The following RAB3IP variants were observed in gnomAD, a reference collection of about 807,000 sequenced individuals.
RAB3IP encodes the protein RAB3A interacting protein.
A neutral mutation model predicts 59.1 loss-of-function variants in RAB3IP; 36 were observed. The observed-to-expected ratio is 0.61, with a 90% CI of 0.47 to 0.80. RAB3IP has a LOEUF of 0.80. Among genes scored for constraint, RAB3IP ranks in the 30% least tolerant of loss-of-function variants. The pLI, the probability that RAB3IP is intolerant of heterozygous loss-of-function variation, is 0.00. For synonymous variants in RAB3IP, 207 were observed against 191.2 expected, an observed-to-expected ratio of 1.08 and a Z score of -0.68; for missense variants, 511 against 536.0, an observed-to-expected ratio of 0.95 and a Z score of 0.46.
At chr12:69,743,496 T>TA (rs1401839075) in intron 1 of RAB3IP, among the ~76,000 whole-genome samples, 1 of 152,240 alleles carries the variant, frequency 6.6e-6, no homozygotes, top group Non-Finnish European at 1.5e-5. Context: ...TAGATCTTTA[T>TA]AAAATCATAC....
intron 6 of RAB3IP, among the ~76,000 whole-genome samples, chr12:69,797,402 A>T (rs904947112): frequency 1.5e-4 from 22 of 150,844 alleles, no homozygotes; most frequent in Admixed American, 1.1e-3. Context: ...GGTTTAAATT[A>T]CAGCCTTTAA....
chr12:69,809,992 G>A (rs1487438000), intron 8 of RAB3IP, among the ~76,000 whole-genome samples: 4 of 152,074 alleles, frequency 2.6e-5, no homozygotes, highest in South Asian at 4.1e-4. Flanking sequence ...TAGAGTTTCC[G>A]GTTTTTCTGC....
chr12:69,756,379 C>T (rs1208578613), intron 2 of RAB3IP, 26 bp from the exon 3 acceptor site: 1 of 1,608,186 alleles, frequency 6.2e-7, no homozygotes, highest in East Asian at 2.2e-5. Flanking sequence ...CTGATATTTT[C>T]TGAAAAATGT....
intron 1 of RAB3IP, among the ~76,000 whole-genome samples, chr12:69,743,401 A>G (rs1887534528): frequency 6.6e-6 from 1 of 152,212 alleles, no homozygotes; most frequent in African/African-American, 2.4e-5. Context: ...CCTTTTACCT[A>G]AGATAAATAA....
At chr12:69,791,149 C>T (rs780628182) in intron 4 of RAB3IP, among the ~76,000 whole-genome samples, 5 of 151,958 alleles carry the variant, frequency 3.3e-5, no homozygotes, top group Non-Finnish European at 2.9e-5. Flanking sequence ...TGCAAATGAA[C>T]GAAATTAGAC....
In RAB3IP at chr12:69,801,680, C is replaced by G. The variant is rs1878408760; in HGVS notation, c.1089C>G (p.Ile363Met). 1.9e-6 allele frequency: 3 copies of G among 1,612,700 alleles called. No individual in the cohort carries two copies. Among genetic ancestry groups the G allele is most frequent in the Non-Finnish European group, 2.5e-6 (3 of 1,179,236 alleles). ...LSIEPVGLQP[I>M]RFVKASAVEC... The stretch of plus-strand genomic sequence containing the variant: ...TTGAACCAGTGGGATTACAACCTAT[C>G]CGGTTTGTGAAAGCTTCTGCAGTTG... The change falls in exon 8 of 11, where the codon ATC (isoleucine) becomes ATG (methionine). Residue 363 changes from isoleucine to methionine, a missense_variant. Ile to Met is a conservative substitution (Grantham distance 10, BLOSUM62 1). Transcript: ENST00000247833.
intron 4 of RAB3IP, among the ~76,000 whole-genome samples, chr12:69,794,009 T>C (rs540838020): frequency 6.6e-6 from 1 of 152,316 alleles, no homozygotes; most frequent in South Asian, 2.1e-4. Flanking sequence ...TTAGCTGTCA[T>C]TACTATAAAC....
intron 4 of RAB3IP, among the ~76,000 whole-genome samples, chr12:69,793,355 C>G (rs1876935133): frequency 1.3e-5 from 2 of 152,140 alleles, no homozygotes; most frequent in Non-Finnish European, 2.9e-5. Context: ...AACAAACAGT[C>G]AAACTCTGAT....
chr12:69,810,672 A>G (rs1880302264), intron 8 of RAB3IP, among the ~76,000 whole-genome samples: 1 of 151,996 alleles, frequency 6.6e-6, no homozygotes, highest in African/African-American at 2.4e-5. Flanking sequence ...CATTTTAAGA[A>G]AGAAAAGTTA....
intron 8 of RAB3IP, among the ~76,000 whole-genome samples, chr12:69,810,989 A>C (rs1036414134): frequency 2.0e-5 from 3 of 152,206 alleles, no homozygotes; most frequent in Admixed American, 2.0e-4. Flanking sequence ...TGTCCAGTTT[A>C]CAAAATAGCT....
At position 69,781,133 on chromosome 12, in the gene RAB3IP, AAT is replaced by A. The variant is rs370972805; in HGVS notation, c.511-3584_511-3583del. ...TATAATTTTTTTGGTTTTTAAAAATAATATGTGTTATTTTACATCCCTTGAGC... is the reference window on the plus strand; with the variant it reads ...TATAATTTTTTTGGTTTTTAAAAATAATGTGTTATTTTACATCCCTTGAGC... On this transcript the variant is annotated intron_variant, in intron 3 of 10. Transcript: ENST00000247833. Among the ~76,000 whole-genome samples the A allele has an allele frequency of 3.1e-3, 468 of 152,314 alleles. 6 individuals are homozygous for A. The highest frequency in any genetic ancestry group is 0.027 in the Middle Eastern group (8 of 294).
chr12:69,755,824 T>G (rs995654059), intron 2 of RAB3IP, among the ~76,000 whole-genome samples, 165 bp downstream of exon 2: 3 of 152,204 alleles, frequency 2.0e-5, no homozygotes, highest in Non-Finnish European at 2.9e-5. Flanking sequence ...TGACAAACTT[T>G]ATATGTGAAG....
At chr12:69,755,245 G>A in intron 1 of RAB3IP, 139 bp from the exon 2 acceptor site, 1 of 782,034 alleles carries the variant, frequency 1.3e-6, no homozygotes, top group Non-Finnish European at 2.0e-6. Context: ...TGTGATTGTG[G>A]TTTTTTAAAA....
Position 69,800,219 on chromosome 12 carries a change from C to T in RAB3IP, c.899C>T (p.Ser300Phe). Residue 300 changes from serine (S) to phenylalanine (F), a missense_variant, in exon 7 of 11, where the codon TCC becomes TTC. Transcript: ENST00000247833. ...IVKDCKEADL[S>F]LYNEFRLWKD... ...CCTTTGGTTTGTTAGGCTGACTTAT[C>T]CTTGTATAATGAATTCCGATTGTGG... 1 of 1,542,520 alleles carries T rather than the reference C, an allele frequency of 6.5e-7. No individual in the cohort carries two copies. The highest frequency in any genetic ancestry group is 8.7e-7 in the Non-Finnish European group (1 of 1,150,308).
At chr12:69,766,822 G>A (rs1206255602) in intron 3 of RAB3IP, among the ~76,000 whole-genome samples, 4 of 151,988 alleles carry the variant, frequency 2.6e-5, no homozygotes, top group African/African-American at 9.7e-5. Context: ...CACCATGCCC[G>A]GTGCAGAACC....
At chr12:69,790,130 CTGTG>C (rs1876366321) in intron 4 of RAB3IP, among the ~76,000 whole-genome samples, 1 of 152,108 alleles carries the variant, frequency 6.6e-6, no homozygotes, top group Non-Finnish European at 1.5e-5. Flanking sequence ...GAAATAATCT[CTGTG>C]TGCAGATGAC....
chr12:69,767,031 G>A (rs201457530), intron 3 of RAB3IP, among the ~76,000 whole-genome samples: 302 of 152,252 alleles, frequency 2.0e-3, no homozygotes, highest in Non-Finnish European at 2.4e-3. Context: ...ATCCCTTGGT[G>A]GTGTTACTAC....
chr12:69,808,323 C>T (rs1316418576), intron 8 of RAB3IP, among the ~76,000 whole-genome samples: 5 of 152,084 alleles, frequency 3.3e-5, no homozygotes, highest in Non-Finnish European at 4.4e-5. Flanking sequence ...ATGTGGTCAA[C>T]TTTGGAATAG....
At chr12:69,757,180 T>C (rs543452316) in intron 3 of RAB3IP, among the ~76,000 whole-genome samples, 1 of 152,356 alleles carries the variant, frequency 6.6e-6, no homozygotes, top group East Asian at 1.9e-4. Context: ...TCTTATTCTT[T>C]TTCTGAGTCT....
Sources: allele counts gnomAD v4.1 joint callset (sites outside exome capture counted in the v4.1 genomes callset), GRCh38; gene constraint gnomAD v4.1.1; transcripts MANE v1.5; gene names NCBI Gene and HGNC (gene_info 2026-07-23, HGNC 2026-07-21).